The following AKAP7 variants were observed in gnomAD, a reference collection of about 807,000 sequenced individuals.
AKAP7 encodes the protein A kinase (PRKA) anchor protein 7.
Under a neutral mutation model 39.5 loss-of-function variants are expected in AKAP7, and 39 were observed. That is an observed-to-expected ratio of 0.99 (90% CI 0.76 to 1.29). The LOEUF (loss-of-function observed/expected upper bound fraction) is 1.29, where lower values mean the gene tolerates loss of function less well. Ranked by LOEUF, AKAP7 falls within the 50% of genes most tolerant of loss-of-function variation. AKAP7 has a pLI of 0.00. For synonymous variants in AKAP7, 140 were observed against 139.1 expected, an observed-to-expected ratio of 1.01 and a Z score of -0.05; for missense variants, 414 against 407.7, an observed-to-expected ratio of 1.02 and a Z score of -0.13.
intron 2 of AKAP7, among the ~76,000 whole-genome samples, chr6:131,156,632 C>T (rs1173441526): frequency 1.3e-5 from 2 of 151,854 alleles, no homozygotes; most frequent in Non-Finnish European, 2.9e-5. Flanking sequence ...AGAGTGAGAT[C>T]CTATCGCAAA....
intron 4 of AKAP7, among the ~76,000 whole-genome samples, chr6:131,167,119 C>T (rs909913737): frequency 1.3e-5 from 2 of 152,134 alleles, no homozygotes; most frequent in African/African-American, 4.8e-5. Flanking sequence ...GTCTGAACTC[C>T]AGTTTGAGAA....
upstream of AKAP7, among the ~76,000 whole-genome samples, chr6:131,134,350 A>T (rs1800399973): frequency 6.6e-6 from 1 of 152,078 alleles, no homozygotes; most frequent in African/African-American, 2.4e-5. Context: ...AGAAAGGGGG[A>T]GGTCAAAGTT....
At position 131,250,206 on chromosome 6, in the gene AKAP7, C is replaced by T. The variant is rs575625253; in HGVS notation, c.850+30398C>T. On this transcript the variant is annotated intron_variant, in intron 7 of 7. Transcript: ENST00000431975. ...AGAAAGGGCTCATTGTGGTTTTTCT[C>T]GACTACCTTTCTTAAAGACATATGC... is the stretch of plus-strand genomic sequence containing the variant. 179 of 1,006,592 alleles carry T rather than the reference C, an allele frequency of 1.8e-4. 1 individual carries two copies. Among genetic ancestry groups the T allele is most frequent in the Non-Finnish European group, 2.0e-4 (172 of 843,840 alleles). 62.4% of individuals were successfully genotyped at this position (1,006,592 alleles called of 1,614,324 possible).
At chr6:131,133,437 G>A (rs12663493), upstream of AKAP7, among the ~76,000 whole-genome samples, 13,495 of 152,208 alleles carry the variant, frequency 0.089, 1,357 homozygotes, top group East Asian at 0.57. Flanking sequence ...GGTTCACCTT[G>A]TACTTCCCTT....
In AKAP7 at chr6:131,219,751, A is replaced by T; in HGVS notation, c.793A>T (p.Met265Leu). ...EILYRIDLCSMLKKKQSNGYY... is the reference protein window; with the variant it reads ...EILYRIDLCSLLKKKQSNGYY... ...ATTATATCGCATAGATCTTTGCTCC[A>T]TGCTGAAGAAAAAACAAAGTAATGG... Residue 265 changes from methionine (M) to leucine (L), a missense_variant, in exon 7 of 8, where the codon ATG (methionine) becomes TTG (leucine). Coordinates refer to ENST00000431975, the MANE Select transcript of AKAP7 (RefSeq NM_016377.4). 1 of 1,596,566 alleles carries T rather than the reference A, an allele frequency of 6.3e-7. No homozygotes were observed. The highest frequency in any genetic ancestry group is 8.5e-7 in the Non-Finnish European group (1 of 1,172,338).
At chr6:131,162,355 C>A (rs1039064086) in intron 3 of AKAP7, among the ~76,000 whole-genome samples, 3 of 152,180 alleles carry the variant, frequency 2.0e-5, no homozygotes, top group Non-Finnish European at 2.9e-5. Context: ...CTCTCTACCC[C>A]TGTAAAGTTG....
chr6:131,141,266 A>G (rs1032869728), intron 1 of AKAP7, among the ~76,000 whole-genome samples: 2 of 152,084 alleles, frequency 1.3e-5, no homozygotes, highest in Non-Finnish European at 2.9e-5. Flanking sequence ...TAATGAGTTC[A>G]GAAGAGATCT....
intron 7 of AKAP7, among the ~76,000 whole-genome samples, chr6:131,228,065 C>T (rs1464131863): frequency 2.0e-5 from 3 of 152,200 alleles, no homozygotes; most frequent in Non-Finnish European, 4.4e-5. Context: ...ATCTTCAGTG[C>T]TCCTTTACCC....
chr6:131,194,525 G>A (rs1045245490), intron 5 of AKAP7, among the ~76,000 whole-genome samples: 3 of 152,094 alleles, frequency 2.0e-5, no homozygotes, highest in African/African-American at 7.2e-5. Flanking sequence ...GAAACATTCT[G>A]TAAATATCTA....
intron 5 of AKAP7, among the ~76,000 whole-genome samples, chr6:131,185,977 C>T (rs1213383553): frequency 3.3e-5 from 5 of 152,002 alleles, no homozygotes; most frequent in Non-Finnish European, 5.9e-5. Flanking sequence ...TGATCCATTT[C>T]GAGTTAATTT....
intron 7 of AKAP7, among the ~76,000 whole-genome samples, chr6:131,273,227 T>C (rs1043067670): frequency 2.0e-5 from 3 of 152,072 alleles, no homozygotes; most frequent in African/African-American, 4.8e-5. Flanking sequence ...TTGAAGTGGA[T>C]TTTTTTTGGT....
At chr6:131,158,649 G>A (rs1262725773) in intron 2 of AKAP7, among the ~76,000 whole-genome samples, 1 of 152,040 alleles carries the variant, frequency 6.6e-6, no homozygotes, top group African/African-American at 2.4e-5. Flanking sequence ...TGAGACTACA[G>A]GCTTGTGCTA....
chr6:131,179,464 G>A (rs769401822), intron 5 of AKAP7, among the ~76,000 whole-genome samples: 32 of 152,130 alleles, frequency 2.1e-4, no homozygotes, highest in African/African-American at 6.5e-4. Context: ...GTGAGCCACC[G>A]TGCCTGGCCC....
intron 7 of AKAP7, among the ~76,000 whole-genome samples, chr6:131,270,514 G>T (rs981964887): frequency 3.3e-5 from 5 of 152,182 alleles, no homozygotes; most frequent in African/African-American, 4.8e-5. Context: ...TATGAATAAA[G>T]CTACTACAAA....
chr6:131,170,154 G>A (rs1158244915), intron 5 of AKAP7, among the ~76,000 whole-genome samples: 2 of 120,876 alleles, frequency 1.7e-5, no homozygotes, highest in Admixed American at 8.9e-5. Context: ...TTGTGGGGTG[G>A]GGGGAGGGGG....
Position 131,212,428 on chromosome 6 carries a change from T to C in AKAP7, c.703-7233T>C, listed in dbSNP as rs918705033. On this transcript the variant is annotated intron_variant, in intron 6 of 7. Transcript: ENST00000431975. ...TAATGACTGTTCCATATTTAGCTAT[T>C]GTTTTTTTCCCATCAGACTCCCTTA... Among the ~76,000 whole-genome samples, 36 of 152,264 alleles carry C rather than the reference T, an allele frequency of 2.4e-4. 1 individual carries two copies. Among genetic ancestry groups the C allele is most frequent in the Non-Finnish European group, 2.9e-5 (2 of 68,048 alleles).
At chr6:131,241,818 G>A (rs998093876) in intron 7 of AKAP7, among the ~76,000 whole-genome samples, 2 of 151,926 alleles carry the variant, frequency 1.3e-5, no homozygotes, top group African/African-American at 4.8e-5. Flanking sequence ...GAGATAAAAG[G>A]TTTTGGAAAT....
chr6:131,250,639 A>G (rs1443811456), intron 7 of AKAP7: 2 of 1,611,490 alleles, frequency 1.2e-6, no homozygotes, highest in Non-Finnish European at 1.7e-6. Context: ...TGTACTGTGC[A>G]GAATCCTAAG....
intron 5 of AKAP7, among the ~76,000 whole-genome samples, chr6:131,178,177 C>A (rs1027704842): frequency 2.0e-5 from 3 of 152,220 alleles, no homozygotes; most frequent in African/African-American, 7.2e-5. Flanking sequence ...ATCTGTCCAG[C>A]CATCCTGGCA....
Sources: gnomAD v4.1 joint callset for allele counts (sites outside exome capture counted in the v4.1 genomes callset) on GRCh38, gnomAD v4.1.1 for gene constraint, MANE v1.5 for transcripts, NCBI Gene and HGNC (gene_info 2026-07-23, HGNC 2026-07-21) for gene names.